TSPEAR: variants seen among roughly 807,000 people sequenced by gnomAD.
The protein encoded by TSPEAR is thrombospondin-type laminin G domain and EAR repeat-containing protein.
In TSPEAR, 69 loss-of-function variants were observed where a neutral mutation model predicts 71.6. The observed-to-expected ratio is 0.96, with a 90% CI of 0.79 to 1.18. The LOEUF (loss-of-function observed/expected upper bound fraction) is 1.18, where lower values mean the gene tolerates loss of function less well. Among genes scored for constraint, TSPEAR ranks in the 50% most tolerant of loss-of-function variants. TSPEAR has a pLI of 0.00. For synonymous variants in TSPEAR, 402 were observed against 387.2 expected (o/e 1.04, Z -0.45); for missense variants, 971 against 894.9 (o/e 1.09, Z -1.09).
At chr21:44,540,473 G>A (rs753203128) in intron 2 of TSPEAR, among the ~76,000 whole-genome samples, 18 of 152,202 alleles carry the variant, frequency 1.2e-4, no homozygotes, top group Non-Finnish European at 2.2e-4. Context: ...CACGCCACCA[G>A]TGCAGTCCGG....
At chr21:44,637,702 T>TGTGCCCGTCTGCTGC in intron 1 of TSPEAR, 2 of 339,124 alleles carry the variant, frequency 5.9e-6, no homozygotes, top group South Asian at 6.1e-5. Context: ...AGGCCTGCTG[T>TGTGCCCGTCTGCTGC]GTGCCTGTCT....
chr21:44,681,878 G>A lies in TSPEAR; in HGVS notation c.82+29555C>T, dbSNP rs373349855. On this transcript the variant is annotated intron_variant, in intron 1 of 11. Coordinates refer to ENST00000323084, the MANE Select transcript of TSPEAR (RefSeq NM_144991.3). ...TGCAGGAGATGGGTCTGCAGAGGACGCTGGTGCAGGAAGGCTGGCAGCACC... is the reference window on the plus strand; with the variant it reads ...TGCAGGAGATGGGTCTGCAGAGGACACTGGTGCAGGAAGGCTGGCAGCACC... 1.2e-5 allele frequency: 20 copies of A among 1,613,942 alleles called. No individual in the cohort carries two copies. The East Asian group carries it at 3.3e-4, about 27-fold the overall frequency.
intron 1 of TSPEAR, chr21:44,677,128 A>C (rs1369289423): frequency 1.4e-6 from 1 of 714,994 alleles, no homozygotes; most frequent in Non-Finnish European, 2.6e-6. Flanking sequence ...CACATTATCC[A>C]GATCAACTAT....
At chr21:44,586,607 A>G (rs1658649366) in intron 1 of TSPEAR, among the ~76,000 whole-genome samples, 1 of 152,040 alleles carries the variant, frequency 6.6e-6, no homozygotes, top group Admixed American at 6.6e-5. Flanking sequence ...AATCACACCA[A>G]TCAGCACCAC....
chr21:44,657,795 T>A (rs1032371555), intron 1 of TSPEAR: 1 of 618,416 alleles, frequency 1.6e-6, no homozygotes, highest in Non-Finnish European at 2.9e-6. Flanking sequence ...TGGTGGAGCA[T>A]GACGCGGGAA....
At chr21:44,534,049 C>T (rs587756438) in intron 2 of TSPEAR, 126 bp from the exon 3 acceptor site, 47 of 683,526 alleles carry the variant, frequency 6.9e-5, no homozygotes, top group African/African-American at 4.9e-4. Flanking sequence ...ACTGGAGGGG[C>T]GAGGTGAGGG....
rs1286643077 is a variant in TSPEAR at position 44,506,234 on chromosome 21, G to A, written c.1755-1353C>T. Among the ~76,000 whole-genome samples, 2 of 152,246 alleles carry A rather than the reference G, an allele frequency of 1.3e-5. No homozygotes were observed. Among genetic ancestry groups the A allele is most frequent in the Non-Finnish European group, 2.9e-5 (2 of 68,034 alleles). On this transcript the variant is annotated intron_variant, in intron 10 of 11. Transcript: ENST00000323084. This position sits in a 1 kb window ranked among gnomAD's most constrained non-coding sequence, Gnocchi z 4.2. Reference sequence around the variant, plus strand: ...GCTTGGGGATGGCTCGGTTTGAGGGGTCTGAGGAGCGGCTCCCCTGGATCC... The same window carrying A: ...GCTTGGGGATGGCTCGGTTTGAGGGATCTGAGGAGCGGCTCCCCTGGATCC...
intron 1 of TSPEAR, among the ~76,000 whole-genome samples, chr21:44,576,982 G>T (rs1247982067): frequency 6.6e-6 from 1 of 152,086 alleles, no homozygotes; most frequent in Non-Finnish European, 1.5e-5. Context: ...ATCATTAACA[G>T]AAAGACACTT....
At chr21:44,677,887 A>C (rs1555947204) in intron 1 of TSPEAR, 2 of 1,392,918 alleles carry the variant, frequency 1.4e-6, no homozygotes, top group Non-Finnish European at 1.0e-6. Context: ...TGGGAAGCCC[A>C]TTTGGCATAT....
intron 9 of TSPEAR, among the ~76,000 whole-genome samples, chr21:44,513,247 C>T (rs1354300867): frequency 1.3e-5 from 2 of 152,156 alleles, no homozygotes; most frequent in African/African-American, 2.4e-5. Flanking sequence ...GTCAGAAGCC[C>T]CTTGCAGGTT....
chr21:44,614,190 C>T (rs781902279), intron 1 of TSPEAR, among the ~76,000 whole-genome samples: 1 of 152,216 alleles, frequency 6.6e-6, no homozygotes, highest in African/African-American at 2.4e-5. Flanking sequence ...TGACCATTCA[C>T]GATCTGTGAC....
intron 2 of TSPEAR, chr21:44,540,010 G>T: frequency 6.2e-7 from 1 of 1,613,098 alleles, no homozygotes; most frequent in Non-Finnish European, 8.5e-7. Flanking sequence ...TCACTGGGGT[G>T]CAGACCAGGG....
rs1555926604 is a variant in TSPEAR, at chr21:44,591,694, G to C, written c.83-23689C>G. The C allele has an allele frequency of 1.9e-6, 3 of 1,577,760 alleles. No individual in the cohort carries two copies. In the African/African-American group the frequency reaches 4.1e-5, roughly 21 times the overall value. On this transcript the variant is annotated intron_variant, in intron 1 of 11. Coordinates refer to ENST00000323084, the MANE Select transcript of TSPEAR (RefSeq NM_144991.3). ...CACACAGCAGGCGTGCTGGCAGGGG[G>C]AGGAGGTGCAGCAAGCTGGCTGGCA...
intron 10 of TSPEAR, among the ~76,000 whole-genome samples, chr21:44,505,769 C>T (rs2052184011): frequency 6.6e-6 from 1 of 152,038 alleles, no homozygotes; most frequent in South Asian, 2.1e-4. Context: ...CCGAGTAACG[C>T]TCCGCTGTGT....
At chr21:44,607,945 C>T (rs1421888605) in intron 1 of TSPEAR, among the ~76,000 whole-genome samples, 2 of 152,110 alleles carry the variant, frequency 1.3e-5, no homozygotes, top group Non-Finnish European at 2.9e-5. Flanking sequence ...GTCATGTGTC[C>T]ATCGACACAT....
In TSPEAR at chr21:44,528,568, A is replaced by T. The variant is rs2052903261; in HGVS notation, c.806T>A (p.Val269Glu). Residue 269 changes from valine to glutamate, a missense_variant, in exon 6 of 12, where the codon GTG becomes GAG. By Grantham distance (121) the Val-to-Glu change is moderately radical. Transcript: ENST00000323084. ...LKYPYETNIR[V>E]TLGPQPPCTE... is the part of the protein sequence containing the mutation. ...ACACGGTGGCTGGGGTCCCAGCGTC[A>T]CTCGAATGTTGGTTTCTGAGGGGAA... 2 of 1,613,870 alleles carry T rather than the reference A, an allele frequency of 1.2e-6. No homozygotes were observed. Among genetic ancestry groups the T allele is most frequent in the Non-Finnish European group, 1.7e-6 (2 of 1,179,942 alleles).
rs782103907 is a variant in TSPEAR, at chr21:44,551,232, G to A, written c.303+16553C>T. ...GCTAGACTGCTGGCAGCACGAGGGC[G>A]TGCAGGAGCTGGTGCAGCCTGATTG... On this transcript the variant is annotated intron_variant, in intron 2 of 11. Transcript: ENST00000323084. The A allele has an allele frequency of 4.4e-5, 71 of 1,613,930 alleles. No homozygotes were observed. The South Asian group carries it at 5.8e-4, about 13-fold the overall frequency.
At chr21:44,505,555 C>A (rs2052173816) in intron 10 of TSPEAR, among the ~76,000 whole-genome samples, 1 of 27,498 alleles carries the variant, frequency 3.6e-5, no homozygotes, top group African/African-American at 1.1e-4. Context: ...GTAAACATCA[C>A]CCCCTCCCCC....
chr21:44,503,720 C>T (rs113367960), intron 11 of TSPEAR, among the ~76,000 whole-genome samples: 31 of 76,596 alleles, frequency 4.0e-4, no homozygotes, highest in African/African-American at 1.8e-3. Flanking sequence ...GAGCCCTCGG[C>T]GGGAAGCAAG....
Sources: allele counts gnomAD v4.1 joint callset (sites outside exome capture counted in the v4.1 genomes callset), GRCh38; gene constraint gnomAD v4.1.1; non-coding constraint Gnocchi (gnomAD v3.1); transcripts MANE v1.5; gene names NCBI Gene and HGNC (gene_info 2026-07-23, HGNC 2026-07-21).